Variants in FGFR4 observed in about 807,000 individuals in gnomAD.
FGFR4 encodes fibroblast growth factor receptor 4, also known as hydroxyaryl-protein kinase.
In FGFR4, 63 loss-of-function variants were observed where a neutral mutation model predicts 89.9. The observed-to-expected ratio is 0.70, with a 90% confidence interval of 0.57 to 0.86. The LOEUF is 0.86. Among genes scored for constraint, FGFR4 ranks in the 40% least tolerant of loss-of-function variants. The probability of loss-of-function intolerance (pLI) is 0.00; values close to 1 mark genes in which losing one functional copy is unlikely to be tolerated. For missense variants in FGFR4, 928 were observed against 1,106.7 expected (o/e 0.84, Z 2.29); for synonymous variants, 486 against 479.4 (o/e 1.01, Z -0.18).
chr5:177,089,594 G>A lies in FGFR4; in HGVS notation c.-9G>A, dbSNP rs764542906. 1 of 1,612,736 alleles carries A rather than the reference G, an allele frequency of 6.2e-7. No homozygotes were observed. The highest frequency in any genetic ancestry group is 2.2e-5 in the East Asian group (1 of 44,854). On this transcript the variant is annotated 5_prime_UTR_variant, in exon 2 of 18. Coordinates refer to ENST00000292408, the MANE Select transcript of FGFR4 (RefSeq NM_213647.3). ...TCCAGCTTGGGTCCCTGAGAGCTGTGAGAAGGAGATGCGGCTGCTGCTGGC... is the reference window on the plus strand; with the variant it reads ...TCCAGCTTGGGTCCCTGAGAGCTGTAAGAAGGAGATGCGGCTGCTGCTGGC...
rs1018951174 is a variant in FGFR4, at chr5:177,087,230, G to A, written c.-54+153G>A. ...GGGGGCGGTAAATCAGTAACCCGCA[G>A]TGCACACAGGGCCTTTTGTCCCGCT... is the stretch of plus-strand genomic sequence containing the variant. On this transcript the variant is annotated intron_variant, in intron 1 of 17. Coordinates refer to ENST00000292408, the MANE Select transcript of FGFR4 (RefSeq NM_213647.3). This position sits in a 1 kb window ranked among gnomAD's most constrained non-coding sequence, Gnocchi z 6.1. 3.9e-5 allele frequency among the ~76,000 whole-genome samples: 6 copies of A among 152,130 alleles called. No homozygotes were observed. The highest frequency in any genetic ancestry group is 1.4e-4 in the African/African-American group (6 of 41,430).
At chr5:177,094,931 G>A (rs887839877) in intron 11 of FGFR4, 14 of 191,342 alleles carry the variant, frequency 7.3e-5, no homozygotes, top group Non-Finnish European at 1.2e-4. Flanking sequence ...ACCCCAGGGC[G>A]CCAGCCTGCT....
In FGFR4 at chr5:177,095,556, T is replaced by C. The variant is rs746053925; in HGVS notation, c.1654T>C (p.Cys552Arg). Residue 552 changes from cysteine (C) to arginine (R), a missense_variant, in exon 13 of 18, where the codon TGC becomes CGC. This residue lies in a region of FGFR4 where 741 missense variants were observed against 836.9 expected (regional missense o/e 0.89). Transcript: ENST00000292408. This position sits in a 1 kb window ranked among gnomAD's most constrained non-coding sequence, Gnocchi z 5.7. ...AGGGCCCCTGTACGTGATCGTGGAGTGCGCCGCCAAGGGAAACCTGCGGGA... is the reference window on the plus strand; with the variant it reads ...AGGGCCCCTGTACGTGATCGTGGAGCGCGCCGCCAAGGGAAACCTGCGGGA... ...QEGPLYVIVE[C>R]AAKGNLREFL... 4.3e-6 allele frequency: 7 copies of C among 1,609,942 alleles called. No homozygotes were observed. The highest frequency in any genetic ancestry group is 1.7e-5 in the Admixed American group (1 of 59,614).
rs1784651224 is a variant in FGFR4 at position 177,097,514 on chromosome 5, C to T, written c.2260-13C>T. Reference sequence around the variant, plus strand: ...CGGGCGCTGCAGAGGCTGACCAGCTCCGTTCCCCACAGTACCTCGACCTCC... The same window carrying T: ...CGGGCGCTGCAGAGGCTGACCAGCTTCGTTCCCCACAGTACCTCGACCTCC... On this transcript the variant is annotated splice_polypyrimidine_tract_variant and intron_variant, in intron 17 of 17. Transcript: ENST00000292408. 1.9e-6 allele frequency: 3 copies of T among 1,610,614 alleles called. No individual in the cohort carries two copies. Among genetic ancestry groups the T allele is most frequent in the East Asian group, 2.2e-5 (1 of 44,746 alleles).
chr5:177,087,630 C>T lies in FGFR4; in HGVS notation c.-54+553C>T, dbSNP rs1330519870. 2 of 985,372 alleles carry T rather than the reference C, an allele frequency of 2.0e-6. No individual in the cohort carries two copies. 61.0% of individuals were successfully genotyped at this position (985,372 alleles called of 1,614,324 possible). A position where few individuals can be genotyped will look rare whatever the true frequency, so the allele number is the denominator to read the frequency against. On this transcript the variant is annotated intron_variant, in intron 1 of 17. Transcript: ENST00000292408. This position sits in a 1 kb window ranked among gnomAD's most constrained non-coding sequence, Gnocchi z 6.1. ...ACTAAGGACTCTGATATCAGGGCAG[C>T]CTGGGGTAGGAATAAACTCCCCGGG... is the stretch of plus-strand genomic sequence containing the variant.
At position 177,096,269 on chromosome 5, in the gene FGFR4, G is replaced by A; in HGVS notation, c.1945-18G>A. 2 of 1,614,012 alleles carry A rather than the reference G, an allele frequency of 1.2e-6. No homozygotes were observed. Among genetic ancestry groups the A allele is most frequent in the East Asian group, 2.2e-5 (1 of 44,874 alleles). On this transcript the variant is annotated intron_variant, in intron 14 of 17. Transcript: ENST00000292408. Reference sequence around the variant, plus strand: ...AGGACCTGTGGGACTCTGCACTGAGGCCCTCTCTCCCCTCCAGGGCCGCCT... The same window carrying A: ...AGGACCTGTGGGACTCTGCACTGAGACCCTCTCTCCCCTCCAGGGCCGCCT...
At chr5:177,089,439 TG>T in intron 1 of FGFR4, 110 bp from the exon 2 acceptor site, 1 of 1,262,072 alleles carries the variant, frequency 7.9e-7, no homozygotes, top group Non-Finnish European at 1.1e-6. Context: ...GCCAGGGACT[TG>T]GACACATCTG....
Position 177,097,563 on chromosome 5 carries a change from C to T in FGFR4, c.2296C>T (p.Pro766Ser), listed in dbSNP as rs779686518. ...DLRLTFGPYS[P>S]SGGDASSTCS... ...CCGCCTGACCTTCGGACCCTATTCC[C>T]CCTCTGGTGGGGACGCCAGCAGCAC... The change falls in exon 18 of 18, where the codon CCC (proline) becomes TCC (serine). Residue 766 changes from proline (P) to serine (S), a missense_variant. Physicochemically the swap from Pro to Ser is moderately conservative, Grantham distance 74. This residue lies in a region of FGFR4 where 129 missense variants were observed against 150.8 expected (regional missense o/e 0.86). Transcript: ENST00000292408. 1.1e-5 allele frequency: 18 copies of T among 1,613,968 alleles called. No individual in the cohort carries two copies. The African/African-American group carries it at 2.1e-4, about 19-fold the overall frequency.
At chr5:177,088,366 T>C (rs1330766197) in intron 1 of FGFR4, 1 of 189,700 alleles carries the variant, frequency 5.3e-6, no homozygotes, top group Non-Finnish European at 1.1e-5. Context: ...TGTAGTTTTT[T>C]AAAACTCTGC....
Position 177,090,558 on chromosome 5 carries a change from A to T in FGFR4, c.260A>T (p.Glu87Val), listed in dbSNP as rs1331257393. The T allele has an allele frequency of 1.3e-6, 2 of 1,526,758 alleles. No homozygotes were observed. The highest frequency in any genetic ancestry group is 4.5e-5 in the East Asian group (2 of 44,198). The allele number at this position is 1,526,758 out of a possible 1,614,324, so 94.6% of individuals were successfully genotyped here. Residue 87 changes from glutamate to valine, a missense_variant, in exon 3 of 18, where the codon GAG (glutamate) becomes GTG (valine). Physicochemically the swap from Glu to Val is moderately radical, Grantham distance 121. Coordinates refer to ENST00000292408, the MANE Select transcript of FGFR4 (RefSeq NM_213647.3). ...GTACGGGGCTGGAGGGGCCGCCTAG[A>T]GATTGCCAGCTTCCTACCTGAGGAT... ...GRVRGWRGRL[E>V]IASFLPEDAG... is the part of the protein sequence containing the mutation.
In FGFR4 at chr5:177,092,473, T is replaced by C; in HGVS notation, c.880T>C (p.Phe294Leu). 2.5e-6 allele frequency: 4 copies of C among 1,596,438 alleles called. No homozygotes were observed. Among genetic ancestry groups the C allele is most frequent in the Non-Finnish European group, 1.7e-6 (2 of 1,171,064 alleles). Residue 294 changes from phenylalanine to leucine, a missense_variant, in exon 7 of 18, where the codon TTC becomes CTC. By Grantham distance (22) the Phe-to-Leu change is conservative. Coordinates refer to ENST00000292408, the MANE Select transcript of FGFR4 (RefSeq NM_213647.3). The part of the protein sequence containing the change: ...LKHIVINGSS[F>L]GADGFPYVQV... ...GCACATCGTCATCAACGGCAGCAGC[T>C]TCGGAGCCGACGGTTTCCCCTATGT...
In FGFR4 at chr5:177,090,472, G is replaced by T. The variant is rs1215145722; in HGVS notation, c.174G>T (p.Gly58=). ...GGCAGCCTGTGCGTCTGTGCTGTGG[G>T]CGGGCTGAGCGTGGTGGCCACTGGT... is the stretch of plus-strand genomic sequence containing the variant. ...ALGQPVRLCC[G]RAERGGHWYK... Residue 58 remains glycine, a synonymous_variant, in exon 3 of 18, where the codon GGG becomes GGT. Coordinates refer to ENST00000292408, the MANE Select transcript of FGFR4 (RefSeq NM_213647.3). The T allele has an allele frequency of 6.3e-7, 1 of 1,595,352 alleles. No individual in the cohort carries two copies. Among genetic ancestry groups the T allele is most frequent in the Non-Finnish European group, 8.5e-7 (1 of 1,171,104 alleles).
Position 177,095,868 on chromosome 5 carries a change from C to A in FGFR4, c.1821+145C>A. The A allele has an allele frequency of 1.6e-6, 2 of 1,244,692 alleles. No homozygotes were observed. Among genetic ancestry groups the A allele is most frequent in the Non-Finnish European group, 1.1e-6 (1 of 917,158 alleles). The allele number at this position is 1,244,692 out of a possible 1,614,324, so 77.1% of individuals were successfully genotyped here. The stretch of plus-strand genomic sequence containing the variant: ...CCAGGCATTCACGCTTTCCTGCATT[C>A]CCCACTCGTTCCTCACCCTTCCCCA... On this transcript the variant is annotated intron_variant, in intron 13 of 17. Transcript: ENST00000292408. The surrounding 1 kb of genome is among the most constrained non-coding windows in gnomAD (Gnocchi z 5.7).
In FGFR4 at chr5:177,095,806, C is replaced by T. The variant is rs1784539324; in HGVS notation, c.1821+83C>T. On this transcript the variant is annotated intron_variant, in intron 13 of 17. Transcript: ENST00000292408. This position sits in a 1 kb window ranked among gnomAD's most constrained non-coding sequence, Gnocchi z 5.7. ...GTGGCATTCAATGTCCCGACTTCTC[C>T]CTCTCTGCTCTTTTTCATGACCCCA... 13 of 1,385,258 alleles carry T rather than the reference C, an allele frequency of 9.4e-6. No individual in the cohort carries two copies. The highest frequency in any genetic ancestry group is 1.3e-5 in the Non-Finnish European group (13 of 1,036,940). The allele number at this position is 1,385,258 out of a possible 1,614,324, so 85.8% of individuals were successfully genotyped here.
Position 177,091,717 on chromosome 5 carries a change from G to C in FGFR4, c.636G>C (p.Glu212Asp). ...LRHQHWSLVM[E>D]SVVPSDRGTY... ...ATCAGCACTGGAGTCTCGTGATGGA[G>C]AGCGTGGTGCCCTCGGACCGCGGCA... is the stretch of plus-strand genomic sequence containing the variant. The change falls in exon 6 of 18, where the codon GAG (glutamate) becomes GAC (aspartate). Residue 212 changes from glutamate to aspartate, a missense_variant. Glu to Asp is a conservative substitution (Grantham distance 45). Coordinates refer to ENST00000292408, the MANE Select transcript of FGFR4 (RefSeq NM_213647.3). The C allele has an allele frequency of 6.2e-7, 1 of 1,614,240 alleles. No individual in the cohort carries two copies. The highest frequency in any genetic ancestry group is 1.7e-5 in the Admixed American group (1 of 60,034).
In FGFR4 at chr5:177,095,061, G is replaced by A. The variant is rs3135928; in HGVS notation, c.1520-269G>A. On this transcript the variant is annotated intron_variant, in intron 11 of 17. Transcript: ENST00000292408. The surrounding 1 kb of genome is among the most constrained non-coding windows in gnomAD (Gnocchi z 5.7). Reference sequence around the variant, plus strand: ...TCTCTCCTGTGTCCTGGGCCTGCCCGCTGGAAGGCCTGCCTCTTAGATCCT... The same window carrying A: ...TCTCTCCTGTGTCCTGGGCCTGCCCACTGGAAGGCCTGCCTCTTAGATCCT... 0.061 allele frequency: 27,385 copies of A among 451,276 alleles called. 1,028 individuals carry two copies. The highest frequency in any genetic ancestry group is 0.11 in the African/African-American group (5,579 of 50,494). The allele number at this position is 451,276 out of a possible 1,614,324, so 28.0% of individuals were successfully genotyped here. A position where few individuals can be genotyped will look rare whatever the true frequency, so the allele number is the denominator to read the frequency against.
At chr5:177,090,073 G>A (rs1015595685) in intron 2 of FGFR4, 27 of 670,246 alleles carry the variant, frequency 4.0e-5, no homozygotes, top group African/African-American at 3.5e-4. Flanking sequence ...GCATGACCCT[G>A]TATGTGGCAC....
chr5:177,089,516 G>A lies in FGFR4; in HGVS notation c.-53-34G>A, dbSNP rs900552020. On this transcript the variant is annotated intron_variant, in intron 1 of 17. Coordinates refer to ENST00000292408, the MANE Select transcript of FGFR4 (RefSeq NM_213647.3). ...GGGAAAAGCCCCCACAAAGGTGCAC[G>A]TGTAGCAGGAGCTCTTTTCCCTCCC... The A allele has an allele frequency of 1.9e-5, 28 of 1,508,410 alleles. No homozygotes were observed. In the Admixed American group the frequency reaches 4.1e-4, roughly 22 times the overall value. 93.4% of individuals were successfully genotyped at this position (1,508,410 alleles called of 1,614,324 possible).
chr5:177,095,484 G>A lies in FGFR4; in HGVS notation c.1630+44G>A. ...TGGCTGCACGGGCCGTTAGGGTGCA[G>A]AGCCAAAGCTTTGGCAGCCTCTCCA... On this transcript the variant is annotated intron_variant, in intron 12 of 17. Transcript: ENST00000292408. The surrounding 1 kb of genome is among the most constrained non-coding windows in gnomAD (Gnocchi z 5.7). 6.2e-7 allele frequency: 1 copy of A among 1,613,672 alleles called. No homozygotes were observed. The highest frequency in any genetic ancestry group is 8.5e-7 in the Non-Finnish European group (1 of 1,179,810).
Sources: allele counts gnomAD v4.1 joint callset (sites outside exome capture counted in the v4.1 genomes callset), GRCh38; gene constraint gnomAD v4.1.1; regional missense constraint gnomAD v4.1.1; non-coding constraint Gnocchi (gnomAD v3.1); transcripts MANE v1.5; gene names NCBI Gene and HGNC (gene_info 2026-07-23, HGNC 2026-07-21).